ADAM10: variants seen among roughly 807,000 people sequenced by gnomAD.
The protein encoded by ADAM10 is disintegrin and metalloproteinase domain-containing protein 10.
A neutral mutation model predicts 90.1 loss-of-function variants in ADAM10; 17 were observed. The observed-to-expected ratio is 0.19, with a 90% CI of 0.13 to 0.28. The LOEUF is 0.28. Among genes scored for constraint, ADAM10 ranks in the 10% least tolerant of loss-of-function variants. The probability of loss-of-function intolerance (pLI) is 1.00; values close to 1 mark genes in which losing one functional copy is unlikely to be tolerated. For synonymous variants in ADAM10, 310 were observed against 298.6 expected (o/e 1.04, Z -0.40); for missense variants, 610 against 914.3 (o/e 0.67, Z 4.29).
chr15:58,749,276 G>A (rs1365785518), intron 1 of ADAM10, among the ~76,000 whole-genome samples: 1 of 152,174 alleles, frequency 6.6e-6, no homozygotes, highest in African/African-American at 2.4e-5. Flanking sequence ...CGGAGGCTTG[G>A]GAGCCTCCTC....
chr15:58,729,692 A>T (rs2140835339), intron 1 of ADAM10, among the ~76,000 whole-genome samples: 1 of 152,304 alleles, frequency 6.6e-6, no homozygotes, highest in South Asian at 2.1e-4. Context: ...AGCCAGGCGC[A>T]GGGGCTCACG....
chr15:58,729,380 AT>A (rs1451905589), intron 1 of ADAM10, among the ~76,000 whole-genome samples: 1 of 152,114 alleles, frequency 6.6e-6, no homozygotes, highest in Non-Finnish European at 1.5e-5. Flanking sequence ...AATCTTGTTA[AT>A]TCAAACTGTT....
intron 2 of ADAM10, among the ~76,000 whole-genome samples, chr15:58,694,748 A>T (rs904959269): frequency 4.9e-4 from 63 of 129,176 alleles, no homozygotes; most frequent in African/African-American, 1.4e-3. Flanking sequence ...CAGAAATTAA[A>T]AAAAAAAAAA....
chr15:58,745,280 G>C (rs898483918), intron 1 of ADAM10, among the ~76,000 whole-genome samples: 34 of 152,172 alleles, frequency 2.2e-4, no homozygotes, highest in African/African-American at 8.2e-4. Context: ...GTAGCTAATT[G>C]CTGAAGTTAT....
chr15:58,728,537 C>G (rs1899118469), intron 1 of ADAM10, among the ~76,000 whole-genome samples: 1 of 150,860 alleles, frequency 6.6e-6, no homozygotes, highest in Non-Finnish European at 1.5e-5. Context: ...GTGAGGCATT[C>G]GAGACCAGCC....
chr15:58,742,156 A>C (rs541523744), intron 1 of ADAM10, among the ~76,000 whole-genome samples: 2 of 152,350 alleles, frequency 1.3e-5, no homozygotes, highest in South Asian at 4.1e-4. Flanking sequence ...GACTCCTAAC[A>C]GTCATAGACA....
At chr15:58,702,308 G>A (rs1898159234) in intron 2 of ADAM10, among the ~76,000 whole-genome samples, 1 of 152,084 alleles carries the variant, frequency 6.6e-6, no homozygotes, top group African/African-American at 2.4e-5. Flanking sequence ...TGAGTGGGTG[G>A]GGCTTGAGGG....
At chr15:58,744,981 G>A (rs1364086678) in intron 1 of ADAM10, among the ~76,000 whole-genome samples, 5 of 152,208 alleles carry the variant, frequency 3.3e-5, no homozygotes, top group African/African-American at 9.7e-5. Flanking sequence ...TCAGGAGTTC[G>A]AGACCAGTCT....
chr15:58,740,866 T>C (rs1899590000), intron 1 of ADAM10, among the ~76,000 whole-genome samples: 1 of 152,226 alleles, frequency 6.6e-6, no homozygotes, highest in Admixed American at 6.5e-5. Context: ...TAATGTTTGG[T>C]AATGATGTTC....
chr15:58,715,368 G>C (rs537517515), intron 2 of ADAM10, among the ~76,000 whole-genome samples: 1 of 150,128 alleles, frequency 6.7e-6, no homozygotes, highest in South Asian at 2.1e-4. Flanking sequence ...TAAGCCAAGA[G>C]AGGATCATTA....
chr15:58,685,876 G>C (rs900281055), intron 2 of ADAM10, among the ~76,000 whole-genome samples: 1 of 152,068 alleles, frequency 6.6e-6, no homozygotes, highest in African/African-American at 2.4e-5. Context: ...TTGGACAGAT[G>C]AATCAATTTT....
chr15:58,659,898 T>G (rs1443930148), intron 5 of ADAM10, among the ~76,000 whole-genome samples: 2 of 152,128 alleles, frequency 1.3e-5, no homozygotes, highest in Admixed American at 6.5e-5. Context: ...CCAGCTAACT[T>G]TGGTTGTGGA....
chr15:58,602,359 G>C (rs955653025), intron 14 of ADAM10, among the ~76,000 whole-genome samples: 7 of 151,944 alleles, frequency 4.6e-5, no homozygotes, highest in African/African-American at 1.5e-4. Flanking sequence ...TTGCACTCTT[G>C]ACATCCCATG....
intron 1 of ADAM10, among the ~76,000 whole-genome samples, chr15:58,731,687 G>A (rs1471968901): frequency 6.6e-6 from 1 of 152,096 alleles, no homozygotes; most frequent in Non-Finnish European, 1.5e-5. Context: ...AGGCTCAGAA[G>A]GCAACAAGCA....
intron 1 of ADAM10, among the ~76,000 whole-genome samples, chr15:58,740,528 A>T (rs1365682049): frequency 2.0e-5 from 3 of 152,144 alleles, no homozygotes; most frequent in African/African-American, 7.2e-5. Context: ...TGCTTTGCAT[A>T]CTTATGCGTT....
chr15:58,608,222 T>C lies in ADAM10; in HGVS notation c.2025+2075A>G, dbSNP rs117143768. Among the ~76,000 whole-genome samples the C allele has an allele frequency of 7.3e-4, 111 of 152,304 alleles. 2 individuals are homozygous for C. The East Asian group carries it at 0.014, about 20-fold the overall frequency. ...CTCTACCCTGCATGAGGAGAAAAGC[T>C]GCCATAGTGTAACACAGAAAGAAGA... On this transcript the variant is annotated intron_variant, in intron 14 of 15. Transcript: ENST00000260408.
At chr15:58,609,986 T>C (rs753254098) in intron 14 of ADAM10, 43 of 310,654 alleles carry the variant, frequency 1.4e-4, no homozygotes, top group Non-Finnish European at 2.4e-4. Flanking sequence ...AAAAAAATGT[T>C]TTTTAAGTCC....
intron 4 of ADAM10, among the ~76,000 whole-genome samples, chr15:58,669,442 G>A (rs1319148300): frequency 6.6e-6 from 1 of 152,134 alleles, no homozygotes; most frequent in Non-Finnish European, 1.5e-5. Flanking sequence ...TGTGAGGTCA[G>A]GAAAAAATTC....
chr15:58,698,747 C>A (rs1776654928), intron 2 of ADAM10, among the ~76,000 whole-genome samples: 1 of 151,714 alleles, frequency 6.6e-6, no homozygotes, highest in Admixed American at 6.6e-5. Context: ...TTGAAATAAT[C>A]CAATAACATA....
Sources: allele counts gnomAD v4.1 joint callset (sites outside exome capture counted in the v4.1 genomes callset), GRCh38; gene constraint gnomAD v4.1.1; transcripts MANE v1.5; gene names NCBI Gene and HGNC (gene_info 2026-07-23, HGNC 2026-07-21).